SLC38A11: variants seen among roughly 807,000 people sequenced by gnomAD.
SLC38A11 encodes solute carrier family 38 member 11.
SLC38A11 carries 51 observed loss-of-function variants against 49.4 expected under a neutral mutation model. That is an observed-to-expected ratio of 1.03 (90% CI 0.83 to 1.30). The LOEUF is 1.30. SLC38A11 is among the 50% of genes most tolerant of loss of function. The pLI, the probability that SLC38A11 is intolerant of heterozygous loss-of-function variation, is 0.00. For missense variants in SLC38A11, 574 were observed against 556.2 expected (o/e 1.03, Z -0.32); for synonymous variants, 203 against 192.9 (o/e 1.05, Z -0.43).
rs1031239385 is a variant in SLC38A11, at chr2:164,910,424, A to G, written c.963+1212T>C. Among the ~76,000 whole-genome samples, 3 of 152,128 alleles carry G rather than the reference A, an allele frequency of 2.0e-5. No homozygotes were observed. The East Asian group carries it at 5.8e-4, about 29-fold the overall frequency. The stretch of plus-strand genomic sequence containing the variant: ...ATAATACCATGTCCTGCATCTGACA[A>G]TAGCTAGTAAAGTTTCGAAAGGCTC... On this transcript the variant is annotated intron_variant, in intron 10 of 11. Coordinates refer to ENST00000685975, the MANE Select transcript of SLC38A11 (RefSeq NM_001351537.2).
chr2:164,946,481 G>A (rs1448940523), intron 3 of SLC38A11, among the ~76,000 whole-genome samples: 2 of 148,486 alleles, frequency 1.3e-5, no homozygotes, highest in South Asian at 2.1e-4. Flanking sequence ...CAGGAGAATC[G>A]CTCAAATCCA....
At chr2:164,904,159 A>C (rs1424922628) in intron 11 of SLC38A11, among the ~76,000 whole-genome samples, 1 of 152,074 alleles carries the variant, frequency 6.6e-6, no homozygotes, top group African/African-American at 2.4e-5. Context: ...ATGCTTGTTG[A>C]GCTGGTTATG....
intron 3 of SLC38A11, among the ~76,000 whole-genome samples, chr2:164,948,065 T>C (rs896269713): frequency 1.3e-5 from 2 of 152,216 alleles, no homozygotes; most frequent in African/African-American, 4.8e-5. Context: ...GACCCATTAA[T>C]GCATTTGGAT....
chr2:164,898,417 A>T lies in SLC38A11; in HGVS notation c.*20T>A. 6.5e-7 allele frequency: 1 copy of T among 1,543,982 alleles called. No individual in the cohort carries two copies. Among genetic ancestry groups the T allele is most frequent in the Non-Finnish European group, 8.9e-7 (1 of 1,121,502 alleles). ...TGTTTTAAAGTCTATGAAAACATACATATTTTTAAAGCAGTCAACTCATTG... is the reference window on the plus strand; with the variant it reads ...TGTTTTAAAGTCTATGAAAACATACTTATTTTTAAAGCAGTCAACTCATTG... On this transcript the variant is annotated 3_prime_UTR_variant, in exon 12 of 12. Transcript: ENST00000685975.
chr2:164,913,661 C>CA (rs1685560697), intron 9 of SLC38A11, among the ~76,000 whole-genome samples: 1 of 89,192 alleles, frequency 1.1e-5, no homozygotes, highest in South Asian at 3.7e-4. Flanking sequence ...ATGTAACTAA[C>CA]AAAAAAGGTT....
chr2:164,918,691 A>G (rs758757759), intron 7 of SLC38A11, among the ~76,000 whole-genome samples: 10 of 152,240 alleles, frequency 6.6e-5, no homozygotes, highest in Non-Finnish European at 1.5e-4. Context: ...TGTACACAAC[A>G]TAATTACACA....
At chr2:164,927,377 C>A (rs568178798) in intron 7 of SLC38A11, among the ~76,000 whole-genome samples, 2 of 152,252 alleles carry the variant, frequency 1.3e-5, no homozygotes, top group African/African-American at 2.4e-5. Context: ...AGAACAGAAC[C>A]AATTTCAGCA....
At chr2:164,911,364 C>G (rs1685387215) in intron 10 of SLC38A11, among the ~76,000 whole-genome samples, 2 of 152,096 alleles carry the variant, frequency 1.3e-5, no homozygotes, top group South Asian at 4.1e-4. Context: ...CTTTGGAATG[C>G]AGTTGTATAA....
At chr2:164,905,293 C>CT (rs958592997) in intron 11 of SLC38A11, among the ~76,000 whole-genome samples, 12 of 151,320 alleles carry the variant, frequency 7.9e-5, no homozygotes, top group Non-Finnish European at 1.0e-4. Context: ...AATATTTTCT[C>CT]TTTTTTTTGG....
At chr2:164,952,979 T>C (rs1275777009) in intron 2 of SLC38A11, 198 bp from the exon 3 acceptor site, 1 of 505,386 alleles carries the variant, frequency 2.0e-6, no homozygotes, top group Non-Finnish European at 3.5e-6. Flanking sequence ...TGTTATTAGC[T>C]TAGGGACAAG....
chr2:164,934,310 GTAAC>G (rs1244534718), intron 7 of SLC38A11, among the ~76,000 whole-genome samples: 4 of 152,040 alleles, frequency 2.6e-5, no homozygotes, highest in Admixed American at 1.3e-4. Flanking sequence ...TCACAAAACA[GTAAC>G]TAAAATAACA....
chr2:164,925,673 T>C (rs1198518553), intron 7 of SLC38A11, among the ~76,000 whole-genome samples: 1 of 152,150 alleles, frequency 6.6e-6, no homozygotes, highest in Non-Finnish European at 1.5e-5. Context: ...CCTCTGTATG[T>C]CTCCCTAGCA....
chr2:164,920,768 G>C (rs1020323123), intron 7 of SLC38A11, among the ~76,000 whole-genome samples: 25 of 152,024 alleles, frequency 1.6e-4, no homozygotes, highest in African/African-American at 5.8e-4. Flanking sequence ...ATGGATAGAG[G>C]GTATACAACA....
At chr2:164,935,222 T>C (rs3067) in intron 7 of SLC38A11, among the ~76,000 whole-genome samples, 10,384 of 151,620 alleles carry the variant, frequency 0.068, 396 homozygotes, top group Admixed American at 0.1. Context: ...CCATTGTTGA[T>C]TGTGAATAAT....
chr2:164,931,505 C>G lies in SLC38A11; in HGVS notation c.617+5845G>C, dbSNP rs181553619. Among the ~76,000 whole-genome samples the G allele has an allele frequency of 4.2e-3, 642 of 152,122 alleles. 3 individuals are homozygous for G. Among genetic ancestry groups the G allele is most frequent in the African/African-American group, 0.015 (625 of 41,512 alleles). The stretch of plus-strand genomic sequence containing the variant: ...AAAGAACAAAACCAGAGGCATCACG[C>G]TACCCAACTTCAAACTACACTAAAG... On this transcript the variant is annotated intron_variant, in intron 7 of 11. Coordinates refer to ENST00000685975, the MANE Select transcript of SLC38A11 (RefSeq NM_001351537.2).
intron 3 of SLC38A11, 23 bp downstream of exon 3, chr2:164,952,684 T>C: frequency 6.7e-7 from 1 of 1,503,034 alleles, no homozygotes; most frequent in Non-Finnish European, 9.3e-7. Context: ...GTTGCAGAAA[T>C]AAGAAATTAT....
Position 164,898,637 on chromosome 2 carries a change from T to C in SLC38A11, c.1189A>G (p.Met397Val). 1 of 1,613,490 alleles carries C rather than the reference T, an allele frequency of 6.2e-7. No homozygotes were observed. Among genetic ancestry groups the C allele is most frequent in the South Asian group, 1.1e-5 (1 of 91,062 alleles). ...EEPRTHSDKI[M>V]SCVMLPIGAV... ...CCAATGGGAAGCATGACACAAGACA[T>C]AATCTTATCGGAGTGTGTCCTTGGT... is the stretch of plus-strand genomic sequence containing the variant. The change falls in exon 12 of 12, where the codon ATG (methionine) becomes GTG (valine). Residue 397 changes from methionine to valine, a missense_variant. Transcript: ENST00000685975.
chr2:164,924,895 C>T (rs1215631134), intron 7 of SLC38A11, among the ~76,000 whole-genome samples: 6 of 150,330 alleles, frequency 4.0e-5, no homozygotes, highest in East Asian at 1.9e-4. Flanking sequence ...CCACCATGCC[C>T]GGCTAATTTT....
chr2:164,935,257 T>C (rs1386829379), intron 7 of SLC38A11, among the ~76,000 whole-genome samples: 3 of 131,454 alleles, frequency 2.3e-5, no homozygotes, highest in East Asian at 2.0e-4. Flanking sequence ...AATTCAGGCC[T>C]CTCTCTGCTT....
Sources: gnomAD v4.1 joint callset for allele counts (sites outside exome capture counted in the v4.1 genomes callset) on GRCh38, gnomAD v4.1.1 for gene constraint, MANE v1.5 for transcripts, NCBI Gene and HGNC (gene_info 2026-07-23, HGNC 2026-07-21) for gene names.